GULP1: variants seen among roughly 807,000 people sequenced by gnomAD.
GULP1 encodes the protein PTB domain-containing engulfment adapter protein 1.
In GULP1, 19 loss-of-function variants were observed where a neutral mutation model predicts 40.9. That is an observed-to-expected ratio of 0.46 (90% CI 0.32 to 0.68). The LOEUF is 0.68. GULP1 is among the 30% of genes least tolerant of loss of function. The pLI, the probability that GULP1 is intolerant of heterozygous loss-of-function variation, is 0.03. For synonymous variants in GULP1, 119 were observed against 117.6 expected (o/e 1.01, Z -0.08); for missense variants, 312 against 362.2 (o/e 0.86, Z 1.12).
rs577749700 is a variant in GULP1 at position 188,594,143 on chromosome 2, C to T, written c.*132C>T. ...TATTTTAATATTTTGAAAATTTTCT[C>T]AGTTAAATTTCCTCACCTTCACTAT... On this transcript the variant is annotated 3_prime_UTR_variant, in exon 12 of 12. Coordinates refer to ENST00000409830, the MANE Select transcript of GULP1 (RefSeq NM_016315.4). The T allele has an allele frequency of 6.2e-5, 33 of 529,104 alleles. No individual in the cohort carries two copies. The highest frequency in any genetic ancestry group is 4.4e-4 in the African/African-American group (23 of 52,488). 32.8% of individuals were successfully genotyped at this position (529,104 alleles called of 1,614,324 possible).
chr2:188,395,779 G>A (rs1184494356), intron 2 of GULP1, among the ~76,000 whole-genome samples: 1 of 152,182 alleles, frequency 6.6e-6, no homozygotes, highest in Non-Finnish European at 1.5e-5. Context: ...TAGGTTGGTG[G>A]TGGGGATATT....
At chr2:188,294,417 A>C (rs1201325893) in intron 1 of GULP1, 1 of 152,202 alleles carries the variant, frequency 6.6e-6, no homozygotes, top group Non-Finnish European at 1.5e-5. Context: ...AGTATTTCAC[A>C]CATTTGCCCT....
chr2:188,505,374 T>C (rs1325319137), intron 4 of GULP1, among the ~76,000 whole-genome samples: 2 of 151,862 alleles, frequency 1.3e-5, no homozygotes, highest in Non-Finnish European at 2.9e-5. Flanking sequence ...CCTCTCTGTA[T>C]TGAAATCATC....
intron 7 of GULP1, among the ~76,000 whole-genome samples, chr2:188,561,186 A>G (rs1016901425): frequency 1.3e-5 from 2 of 152,136 alleles, no homozygotes; most frequent in Non-Finnish European, 2.9e-5. Context: ...GATCATGCCT[A>G]TCTTTATTCC....
intron 4 of GULP1, among the ~76,000 whole-genome samples, chr2:188,512,074 C>A (rs1241453091): frequency 6.6e-6 from 1 of 152,040 alleles, no homozygotes; most frequent in Non-Finnish European, 1.5e-5. Context: ...CATAGGAAGT[C>A]AGCCAAATAA....
Position 188,432,801 on chromosome 2 carries a change from G to C in GULP1, c.-44-44858G>C, listed in dbSNP as rs572317953. Among the ~76,000 whole-genome samples the C allele has an allele frequency of 2.0e-3, 305 of 151,920 alleles. 8 individuals carry two copies. Among genetic ancestry groups the C allele is most frequent in the Admixed American group, 0.02 (305 of 15,272 alleles). ...ATTTTGGCTTATTTATGTAATTTTT[G>C]AGTACTCTATTTTCAAGCCAATTTG... On this transcript the variant is annotated intron_variant, in intron 2 of 11. Coordinates refer to ENST00000409830, the MANE Select transcript of GULP1 (RefSeq NM_016315.4).
At chr2:188,562,248 A>G (rs1400743360) in intron 7 of GULP1, among the ~76,000 whole-genome samples, 4 of 152,122 alleles carry the variant, frequency 2.6e-5, no homozygotes, top group African/African-American at 9.7e-5. Flanking sequence ...TTTTAGTTTC[A>G]GGAGTTGGGA....
intron 6 of GULP1, among the ~76,000 whole-genome samples, chr2:188,535,027 T>C (rs1241269718): frequency 6.6e-6 from 1 of 151,064 alleles, no homozygotes; most frequent in Non-Finnish European, 1.5e-5. Flanking sequence ...TTGTTATTAA[T>C]AATTAATATT....
At chr2:188,454,248 G>C (rs945869890) in intron 2 of GULP1, among the ~76,000 whole-genome samples, 1 of 152,202 alleles carries the variant, frequency 6.6e-6, no homozygotes, top group African/African-American at 2.4e-5. Flanking sequence ...GCAGAGAGGG[G>C]ATGTGGGAGT....
chr2:188,492,352 A>G (rs1424151970), intron 4 of GULP1, among the ~76,000 whole-genome samples: 2 of 152,124 alleles, frequency 1.3e-5, no homozygotes, highest in East Asian at 3.9e-4. Context: ...AAACTCTATC[A>G]GGCAGAAATA....
At chr2:188,460,563 G>T (rs2059620865) in intron 2 of GULP1, among the ~76,000 whole-genome samples, 1 of 151,948 alleles carries the variant, frequency 6.6e-6, no homozygotes, top group African/African-American at 2.4e-5. Flanking sequence ...GAGTGTTTAG[G>T]TTTTTCCAAA....
intron 2 of GULP1, among the ~76,000 whole-genome samples, chr2:188,452,875 A>C (rs1272989694): frequency 6.6e-6 from 1 of 152,244 alleles, no homozygotes; most frequent in Non-Finnish European, 1.5e-5. Flanking sequence ...AACTATTAGC[A>C]CTTACAACAT....
intron 7 of GULP1, among the ~76,000 whole-genome samples, chr2:188,566,820 A>AG (rs1189669116): frequency 1.0e-4 from 15 of 146,120 alleles, no homozygotes; most frequent in South Asian, 2.2e-4. Context: ...AAAAAAAAAA[A>AG]GGGGAAGGAT....
intron 11 of GULP1, chr2:188,593,462 G>A (rs1703987084): frequency 6.6e-6 from 1 of 152,142 alleles, no homozygotes; most frequent in South Asian, 2.1e-4. Flanking sequence ...GTTCCACAGA[G>A]GATACGGCAT....
chr2:188,436,984 G>T (rs529393493), intron 2 of GULP1, among the ~76,000 whole-genome samples: 23 of 152,098 alleles, frequency 1.5e-4, no homozygotes, highest in African/African-American at 3.4e-4. Flanking sequence ...CACTTACCTG[G>T]ACCACAGCAT....
At chr2:188,576,590 A>AT (rs1439744162) in intron 9 of GULP1, among the ~76,000 whole-genome samples, 1 of 152,160 alleles carries the variant, frequency 6.6e-6, no homozygotes, top group African/African-American at 2.4e-5. Flanking sequence ...TTTAAACAGA[A>AT]TACTTACATA....
At chr2:188,494,318 A>G (rs1408764414) in intron 4 of GULP1, among the ~76,000 whole-genome samples, 1 of 152,070 alleles carries the variant, frequency 6.6e-6, no homozygotes, top group Admixed American at 6.6e-5. Flanking sequence ...ATTTCTCCAC[A>G]TAGCTACTAC....
chr2:188,570,076 GAT>G lies in GULP1; in HGVS notation c.566_567del (p.Asp189ValfsTer21). The G allele has an allele frequency of 6.8e-7, 1 of 1,474,158 alleles. No individual in the cohort carries two copies. Among genetic ancestry groups the G allele is most frequent in the Admixed American group, 1.8e-5 (1 of 54,690 alleles). The allele number at this position is 1,474,158 out of a possible 1,614,324, so 91.3% of individuals were successfully genotyped here. A position where few individuals can be genotyped will look rare whatever the true frequency, so the allele number is the denominator to read the frequency against. On this transcript the variant is annotated frameshift_variant, in exon 9 of 12. Transcript: ENST00000409830. LOFTEE classifies it high-confidence loss of function. ...ENMELKNKVQDLENQLRITQV... is the reference protein window; with the variant it reads ...ENMELKNKVQXLENQLRITQV... ...TATGGAACTTAAAAATAAAGTACAA[GAT>G]TTGGAAAACCAACTGAGAATAACTC... is the stretch of plus-strand genomic sequence containing the variant.
intron 7 of GULP1, among the ~76,000 whole-genome samples, chr2:188,550,669 T>G (rs1418397493): frequency 6.6e-6 from 1 of 151,654 alleles, no homozygotes; most frequent in Non-Finnish European, 1.5e-5. Context: ...CTAGAAGGAA[T>G]CACTGCATCC....
Sources: gnomAD v4.1 joint callset for allele counts (sites outside exome capture counted in the v4.1 genomes callset) on GRCh38, gnomAD v4.1.1 for gene constraint, MANE v1.5 for transcripts, NCBI Gene and HGNC (gene_info 2026-07-23, HGNC 2026-07-21) for gene names.